PHF21B: variants seen among roughly 807,000 people sequenced by gnomAD.
PHF21B encodes PHD finger protein 4.
In PHF21B, 22 loss-of-function variants were observed where a neutral mutation model predicts 62.2. That is an observed-to-expected ratio of 0.35 (90% CI 0.25 to 0.51). The LOEUF is 0.51. PHF21B is among the 20% of genes least tolerant of loss of function. The pLI is 0.97. For missense variants in PHF21B, 701 were observed against 707.9 expected (o/e 0.99, Z 0.11); for synonymous variants, 341 against 314.7 (o/e 1.08, Z -0.88).
chr22:45,000,358 G>A (rs1245907822), intron 2 of PHF21B, among the ~76,000 whole-genome samples: 1 of 152,120 alleles, frequency 6.6e-6, no homozygotes, highest in Non-Finnish European at 1.5e-5. Flanking sequence ...TGAAGAAGGA[G>A]TGTGGCGCCC....
At chr22:44,897,388 G>T (rs73178240) in intron 5 of PHF21B, among the ~76,000 whole-genome samples, 1 of 152,066 alleles carries the variant, frequency 6.6e-6, no homozygotes, top group Admixed American at 6.5e-5. Context: ...ATCACAGAGC[G>T]AAGAGGTGCC....
At chr22:44,902,929 G>A (rs955063375) in intron 5 of PHF21B, among the ~76,000 whole-genome samples, 28 of 152,214 alleles carry the variant, frequency 1.8e-4, no homozygotes, top group African/African-American at 6.3e-4. Context: ...CCTTCTAGAA[G>A]CAACTCAAAG....
chr22:44,957,964 G>A (rs887899563), intron 2 of PHF21B, among the ~76,000 whole-genome samples: 1 of 150,674 alleles, frequency 6.6e-6, no homozygotes, highest in African/African-American at 2.4e-5. Context: ...GTGCAATGGC[G>A]CGATCTCGGC....
intron 3 of PHF21B, 33 bp downstream of exon 3, chr22:44,920,365 G>A (rs776160753): frequency 1.0e-5 from 16 of 1,541,568 alleles, no homozygotes; most frequent in African/African-American, 9.6e-5. Context: ...ACAGACAGAC[G>A]GACACCCCAG....
At chr22:44,984,176 TCACAACCAC>T (rs2072900814) in intron 2 of PHF21B, among the ~76,000 whole-genome samples, 1 of 140,998 alleles carries the variant, frequency 7.1e-6, no homozygotes, top group Non-Finnish European at 1.6e-5. Context: ...ATCATCACCA[TCACAACCAC>T]CATCATCACC....
intron 2 of PHF21B, chr22:44,933,599 T>C (rs115324345): frequency 3.3e-5 from 31 of 937,476 alleles, no homozygotes; most frequent in East Asian, 1.2e-4. Flanking sequence ...CTCGGCTACA[T>C]AGAAGGGGTA....
intron 5 of PHF21B, among the ~76,000 whole-genome samples, chr22:44,911,454 G>T: frequency 6.6e-6 from 1 of 152,120 alleles, no homozygotes; most frequent in East Asian, 1.9e-4. Flanking sequence ...TGGGCCCAGG[G>T]TCCCTCTGCT....
chr22:44,955,101 A>C (rs1301818585), intron 2 of PHF21B, among the ~76,000 whole-genome samples: 1 of 152,024 alleles, frequency 6.6e-6, no homozygotes, highest in Non-Finnish European at 1.5e-5. Context: ...GAGGGTGGGA[A>C]TGGCCGGTTA....
At chr22:44,905,422 T>C (rs2071230833) in intron 5 of PHF21B, among the ~76,000 whole-genome samples, 1 of 152,228 alleles carries the variant, frequency 6.6e-6, no homozygotes. Context: ...GCTTCGTTAT[T>C]CCTTATTTCT....
chr22:44,935,106 T>C (rs889858315), intron 2 of PHF21B, among the ~76,000 whole-genome samples: 3 of 152,244 alleles, frequency 2.0e-5, no homozygotes, highest in Admixed American at 2.0e-4. Flanking sequence ...CGGCAATCGG[T>C]CCAGTGGTCA....
chr22:45,006,189 G>C (rs1451274862), intron 2 of PHF21B, among the ~76,000 whole-genome samples: 1 of 152,098 alleles, frequency 6.6e-6, no homozygotes, highest in Non-Finnish European at 1.5e-5. Flanking sequence ...TCTTTTATGA[G>C]CCCTTGTTAT....
At chr22:44,919,044 C>T (rs5765085) in intron 3 of PHF21B, among the ~76,000 whole-genome samples, 32,805 of 152,110 alleles carry the variant, frequency 0.22, 4,192 homozygotes, top group East Asian at 0.65. Context: ...ACCCTGCACC[C>T]TCCTCCTGGG....
chr22:44,985,534 G>A (rs1343543210), intron 2 of PHF21B, among the ~76,000 whole-genome samples: 1 of 151,308 alleles, frequency 6.6e-6, no homozygotes, highest in Non-Finnish European at 1.5e-5. Context: ...GGAGTTGGAA[G>A]TTGCATTGAG....
At chr22:44,955,299 T>C (rs2072273668) in intron 2 of PHF21B, among the ~76,000 whole-genome samples, 1 of 152,216 alleles carries the variant, frequency 6.6e-6, no homozygotes, top group African/African-American at 2.4e-5. Flanking sequence ...CCTCCTCATC[T>C]GGGTAAACAC....
intron 2 of PHF21B, among the ~76,000 whole-genome samples, chr22:44,991,671 G>A (rs775540015): frequency 2.0e-5 from 3 of 152,192 alleles, no homozygotes; most frequent in Admixed American, 6.5e-5. Flanking sequence ...GTGCCCAGCT[G>A]GGGGGCTCCT....
intron 3 of PHF21B, 48 bp downstream of exon 3, chr22:44,920,350 C>A: frequency 6.8e-7 from 1 of 1,475,984 alleles, no homozygotes; most frequent in Non-Finnish European, 9.2e-7. Context: ...ACAGAGACTG[C>A]GGGGACAGAC....
chr22:44,916,709 C>T (rs565450550), intron 3 of PHF21B, 79 bp from the exon 4 acceptor site: 6 of 1,286,888 alleles, frequency 4.7e-6, no homozygotes, highest in Non-Finnish European at 6.6e-6. Context: ...GGCTCGGAGA[C>T]TTCCTATATT....
intron 2 of PHF21B, among the ~76,000 whole-genome samples, chr22:45,004,011 C>T (rs1305241253): frequency 6.6e-6 from 1 of 151,912 alleles, no homozygotes; most frequent in South Asian, 2.1e-4. Flanking sequence ...AGTATGATTC[C>T]ATTCATACGA....
Position 45,009,029 on chromosome 22 carries a change from C to G in PHF21B, c.55-419G>C, listed in dbSNP as rs1272780972. 1 of 1,131,528 alleles carries G rather than the reference C, an allele frequency of 8.8e-7. No individual in the cohort carries two copies. Among genetic ancestry groups the G allele is most frequent in the Non-Finnish European group, 1.1e-6 (1 of 923,994 alleles). The allele number at this position is 1,131,528 out of a possible 1,614,324, so 70.1% of individuals were successfully genotyped here. ...CGTCCTAATCTCCCCAACACACACACGCGCACGCCGAGCCCCGCTCAGGCT... is the reference window on the plus strand; with the variant it reads ...CGTCCTAATCTCCCCAACACACACAGGCGCACGCCGAGCCCCGCTCAGGCT... On this transcript the variant is annotated intron_variant, in intron 1 of 12. Transcript: ENST00000313237. The surrounding 1 kb of genome is among the most constrained non-coding windows in gnomAD (Gnocchi z 5.9).
Sources: gnomAD v4.1 joint callset for allele counts (sites outside exome capture counted in the v4.1 genomes callset) on GRCh38, gnomAD v4.1.1 for gene constraint, Gnocchi (gnomAD v3.1) non-coding constraint, MANE v1.5 for transcripts, NCBI Gene and HGNC (gene_info 2026-07-23, HGNC 2026-07-21) for gene names.